ATP2A1: variants seen among roughly 807,000 people sequenced by gnomAD.
The protein encoded by ATP2A1 is sarcoplasmic/endoplasmic reticulum calcium ATPase 1.
In ATP2A1, 83 loss-of-function variants were observed where a neutral mutation model predicts 109.5. That is an observed-to-expected ratio of 0.76 (90% CI 0.63 to 0.91). The LOEUF (loss-of-function observed/expected upper bound fraction) is 0.91. Ranked by LOEUF, ATP2A1 falls within the 40% of genes least tolerant of loss-of-function variation. The probability of loss-of-function intolerance (pLI) is 0.00; values close to 1 mark genes in which losing one functional copy is unlikely to be tolerated. For synonymous variants in ATP2A1, 505 were observed against 537.6 expected, an observed-to-expected ratio of 0.94 and a Z score of 0.84; for missense variants, 1,101 against 1,341.0, an observed-to-expected ratio of 0.82 and a Z score of 2.80.
At chr16:28,901,730 G>C (rs1596686318) in intron 15 of ATP2A1, 133 bp from the exon 16 acceptor site, 1 of 795,116 alleles carries the variant, frequency 1.3e-6, no homozygotes, top group East Asian at 2.7e-5. Flanking sequence ...GCTGAGGCAG[G>C]AGGATTGCTT....
chr16:28,894,524 G>T lies in ATP2A1; in HGVS notation c.1204G>T (p.Val402Phe). 1 of 1,614,040 alleles carries T rather than the reference G, an allele frequency of 6.2e-7. No homozygotes were observed. Among genetic ancestry groups the T allele is most frequent in the Non-Finnish European group, 8.5e-7 (1 of 1,180,030 alleles). The change falls in exon 11 of 23, where the codon GTC (valine) becomes TTC (phenylalanine). Residue 402 changes from valine to phenylalanine, a missense_variant. Transcript: ENST00000395503. ...EGEVLKNDKP[V>F]RPGQYDGLVE... ...TGCCAGCTTGAAGAATGATAAGCCA[G>T]TCCGGCCAGGGCAGTATGACGGGCT... is the stretch of plus-strand genomic sequence containing the variant.
chr16:28,899,653 C>T (rs1001640287), intron 14 of ATP2A1, among the ~76,000 whole-genome samples: 2 of 111,172 alleles, frequency 1.8e-5, no homozygotes, highest in Non-Finnish European at 1.9e-5. Context: ...GCCCGCCCCC[C>T]CCCCCCCGAA....
At position 28,883,998 on chromosome 16, in the gene ATP2A1, G is replaced by C. The variant is rs1307704135; in HGVS notation, c.464-577G>C. The stretch of plus-strand genomic sequence containing the variant: ...CTCCTCTCCTGCCTTGCCCTCCACT[G>C]TTCCTCTTGGTTGCCCTCGATTTTC... On this transcript the variant is annotated intron_variant, in intron 5 of 22. Transcript: ENST00000395503. This position sits in a 1 kb window ranked among gnomAD's most constrained non-coding sequence, Gnocchi z 5.2. 6.6e-6 allele frequency among the ~76,000 whole-genome samples: 1 copy of C among 151,982 alleles called. No individual in the cohort carries two copies. Among genetic ancestry groups the C allele is most frequent in the Non-Finnish European group, 1.5e-5 (1 of 68,014 alleles).
rs2152197737 is a variant in ATP2A1 at position 28,880,191 on chromosome 16, A to C, written c.219+608A>C. 22 of 924,854 alleles carry C rather than the reference A, an allele frequency of 2.4e-5. No homozygotes were observed. Among genetic ancestry groups the C allele is most frequent in the Middle Eastern group, 5.5e-4 (1 of 1,834 alleles). The allele number at this position is 924,854 out of a possible 1,614,324, so 57.3% of individuals were successfully genotyped here. A position where few individuals can be genotyped will look rare whatever the true frequency, so the allele number is the denominator to read the frequency against. ...ACCCCCACCCCCGCAGGGCATCTCC[A>C]GGGCTCTGCCTCCTCTCCCGCCCTG... On this transcript the variant is annotated intron_variant, in intron 3 of 22. Coordinates refer to ENST00000395503, the MANE Select transcript of ATP2A1 (RefSeq NM_004320.6). The surrounding 1 kb of genome is among the most constrained non-coding windows in gnomAD (Gnocchi z 4.2).
intron 12 of ATP2A1, among the ~76,000 whole-genome samples, chr16:28,897,033 A>G (rs1228252747): frequency 1.3e-5 from 2 of 151,800 alleles, no homozygotes; most frequent in Non-Finnish European, 2.9e-5. Context: ...GTGAGCCAAG[A>G]CTGCACCACT....
Position 28,898,016 on chromosome 16 carries a change from TGAA to T in ATP2A1, c.1441_1443del (p.Lys481del), listed in dbSNP as rs1963965499. ...CCTCTCCAGGTGATCCGCCAGCTAA[TGAA>T]GAAGGAATTCACCCTGGAGTTCTCC... On this transcript the variant is annotated inframe_deletion, in exon 13 of 23. Transcript: ENST00000395503. This position sits in a 1 kb window ranked among gnomAD's most constrained non-coding sequence, Gnocchi z 4.0. 6.2e-7 allele frequency: 1 copy of T among 1,614,172 alleles called. No homozygotes were observed. Among genetic ancestry groups the T allele is most frequent in the Middle Eastern group, 1.6e-4 (1 of 6,062 alleles).
At chr16:28,890,849 C>G (rs1353608737) in intron 9 of ATP2A1, among the ~76,000 whole-genome samples, 3 of 151,928 alleles carry the variant, frequency 2.0e-5, no homozygotes, top group African/African-American at 7.2e-5. Flanking sequence ...TCACACCCAG[C>G]TAATTTTTGT....
At chr16:28,893,668 T>G (rs996856389) in intron 9 of ATP2A1, among the ~76,000 whole-genome samples, 2 of 150,582 alleles carry the variant, frequency 1.3e-5, no homozygotes, top group African/African-American at 4.9e-5. Flanking sequence ...TTTTTTTTTT[T>G]TTTTGAGTTT....
chr16:28,899,946 C>T (rs1000533181), intron 14 of ATP2A1, among the ~76,000 whole-genome samples: 2 of 144,640 alleles, frequency 1.4e-5, no homozygotes, highest in African/African-American at 2.6e-5. Flanking sequence ...GCGTGGGTGA[C>T]AGAGCAAGAG....
rs757274362 is a variant in ATP2A1, at chr16:28,894,848, C to T, written c.1314C>T (p.Gly438=). The change falls in exon 12 of 23, where the codon GGC becomes GGT. Residue 438 remains glycine, a synonymous_variant. Transcript: ENST00000395503. ...CCAAAGGTGTCTATGAGAAGGTCGG[C>T]GAGGCCACCGAGACAGCACTCACCA... ...NEAKGVYEKV[G]EATETALTTL... 20 of 1,526,180 alleles carry T rather than the reference C, an allele frequency of 1.3e-5. No homozygotes were observed. In the East Asian group the frequency reaches 3.0e-4, roughly 23 times the overall value. The allele number at this position is 1,526,180 out of a possible 1,614,324, so 94.5% of individuals were successfully genotyped here.
intron 9 of ATP2A1, among the ~76,000 whole-genome samples, chr16:28,892,935 T>G (rs1350774832): frequency 6.6e-6 from 1 of 151,754 alleles, no homozygotes; most frequent in Non-Finnish European, 1.5e-5. Context: ...TCCCAGCTAC[T>G]CTGGAGGCTG....
At chr16:28,894,011 G>T (rs1596677297) in intron 9 of ATP2A1, 144 bp from the exon 10 acceptor site, 1 of 688,370 alleles carries the variant, frequency 1.5e-6, no homozygotes, top group East Asian at 2.7e-5. Context: ...AAGTGGGTAG[G>T]GTATACGGGG....
intron 14 of ATP2A1, among the ~76,000 whole-genome samples, 165 bp from the exon 15 acceptor site, chr16:28,900,416 T>C (rs1964038600): frequency 6.6e-6 from 1 of 152,028 alleles, no homozygotes; most frequent in South Asian, 2.1e-4. Context: ...AAGGCCCCAC[T>C]GAGGTCTGAC....
rs121918115 is a variant in ATP2A1 at position 28,902,228 on chromosome 16, C to T, written c.2366C>T (p.Pro789Leu). 15 of 1,613,974 alleles carry T rather than the reference C, an allele frequency of 9.3e-6. No individual in the cohort carries two copies. The highest frequency in any genetic ancestry group is 4.5e-5 in the East Asian group (2 of 44,890). ...CTGGGGCTGCCTGAGGCCCTGATCCCGGTGCAGCTGCTATGGGTGAACTTG... is the reference window on the plus strand; with the variant it reads ...CTGGGGCTGCCTGAGGCCCTGATCCTGGTGCAGCTGCTATGGGTGAACTTG... Reference protein sequence around the residue: ...AALGLPEALIPVQLLWVNLVT... With the variant: ...AALGLPEALILVQLLWVNLVT... The change falls in exon 17 of 23, where the codon CCG (proline) becomes CTG (leucine). Residue 789 changes from proline to leucine, a missense_variant. Transcript: ENST00000395503. This position sits in a 1 kb window ranked among gnomAD's most constrained non-coding sequence, Gnocchi z 4.8.
In ATP2A1 at chr16:28,884,609, C is replaced by T. The variant is rs749355178; in HGVS notation, c.498C>T (p.Leu166=). 1.4e-5 allele frequency: 23 copies of T among 1,613,760 alleles called. No individual in the cohort carries two copies. The South Asian group carries it at 1.9e-4, about 13-fold the overall frequency. Residue 166 remains leucine (L), a synonymous_variant, in exon 6 of 23, where the codon CTC becomes CTT. Coordinates refer to ENST00000395503, the MANE Select transcript of ATP2A1 (RefSeq NM_004320.6). The part of the protein sequence containing the change: ...GDKVPADIRI[L]AIKSTTLRVD... ...AAGTCCCTGCAGACATCCGAATCCT[C>T]GCCATCAAATCCACCACGCTGCGGG...
Position 28,879,174 on chromosome 16 carries a change from C to T in ATP2A1, c.136+58C>T, listed in dbSNP as rs543046369. 11 of 1,578,448 alleles carry T rather than the reference C, an allele frequency of 7.0e-6. No individual in the cohort carries two copies. The South Asian group carries it at 1.0e-4, about 14-fold the overall frequency. On this transcript the variant is annotated intron_variant, in intron 2 of 22. Transcript: ENST00000395503. ...TGACCACCCCCCACCCCGCCCTGTCCCACTCCCTCCTCCCTGCCTCTTTAG... is the reference window on the plus strand; with the variant it reads ...TGACCACCCCCCACCCCGCCCTGTCTCACTCCCTCCTCCCTGCCTCTTTAG...
At position 28,900,577 on chromosome 16, in the gene ATP2A1, C is replaced by A; in HGVS notation, c.1765-4C>A. 1 of 1,558,874 alleles carries A rather than the reference C, an allele frequency of 6.4e-7. No individual in the cohort carries two copies. On this transcript the variant is annotated splice_polypyrimidine_tract_variant and splice_region_variant and intron_variant, in intron 14 of 22. Coordinates refer to ENST00000395503, the MANE Select transcript of ATP2A1 (RefSeq NM_004320.6). ...ACCTGTGGCTCTCTGCTGTATCTCC[C>A]CAGACGGACCTGACATTCGTGGGTG...
In ATP2A1 at chr16:28,880,224, C is replaced by T. The variant is rs1451051538; in HGVS notation, c.219+641C>T. The T allele has an allele frequency of 6.8e-6, 5 of 735,876 alleles. No individual in the cohort carries two copies. Among genetic ancestry groups the T allele is most frequent in the Non-Finnish European group, 8.4e-6 (5 of 598,262 alleles). The allele number at this position is 735,876 out of a possible 1,614,324, so 45.6% of individuals were successfully genotyped here. A position where few individuals can be genotyped will look rare whatever the true frequency, so the allele number is the denominator to read the frequency against. On this transcript the variant is annotated intron_variant, in intron 3 of 22. Coordinates refer to ENST00000395503, the MANE Select transcript of ATP2A1 (RefSeq NM_004320.6). This position sits in a 1 kb window ranked among gnomAD's most constrained non-coding sequence, Gnocchi z 4.2. ...GCCTCCTCTCCCGCCCTGGGGGCTACTCCCCATCCCGCGGTCCATCTGCAT... is the reference window on the plus strand; with the variant it reads ...GCCTCCTCTCCCGCCCTGGGGGCTATTCCCCATCCCGCGGTCCATCTGCAT...
In ATP2A1 at chr16:28,903,410, C is replaced by T; in HGVS notation, c.2950C>T (p.Leu984Phe). 1 of 1,614,004 alleles carries T rather than the reference C, an allele frequency of 6.2e-7. No individual in the cohort carries two copies. The highest frequency in any genetic ancestry group is 1.3e-5 in the African/African-American group (1 of 75,016). ...SLPVIGLDEI[L>F]KFVARNYLEG ...GCCAGTCATTGGGCTCGACGAAATCCTCAAGTTCGTTGCTCGGAACTACCT... is the reference window on the plus strand; with the variant it reads ...GCCAGTCATTGGGCTCGACGAAATCTTCAAGTTCGTTGCTCGGAACTACCT... The change falls in exon 21 of 23, where the codon CTC becomes TTC. Residue 984 changes from leucine to phenylalanine, a missense_variant. Coordinates refer to ENST00000395503, the MANE Select transcript of ATP2A1 (RefSeq NM_004320.6). This position sits in a 1 kb window ranked among gnomAD's most constrained non-coding sequence, Gnocchi z 5.6.
Sources: gnomAD v4.1 joint callset for allele counts (sites outside exome capture counted in the v4.1 genomes callset) on GRCh38, gnomAD v4.1.1 for gene constraint, Gnocchi (gnomAD v3.1) non-coding constraint, MANE v1.5 for transcripts, NCBI Gene and HGNC (gene_info 2026-07-23, HGNC 2026-07-21) for gene names.